CATSPERB: variants seen among roughly 807,000 people sequenced by gnomAD.
The protein encoded by CATSPERB is cation channel sperm-associated auxiliary subunit beta.
Under a neutral mutation model 128.3 loss-of-function variants are expected in CATSPERB, and 93 were observed. The ratio of observed to expected loss-of-function variants is 0.72; its 90% CI spans 0.61 to 0.86. CATSPERB has a LOEUF of 0.86. Among genes scored for constraint, CATSPERB ranks in the 40% least tolerant of loss-of-function variants. The pLI, the probability that CATSPERB is intolerant of heterozygous loss-of-function variation, is 0.00. For missense variants in CATSPERB, 1,153 were observed against 1,329.5 expected (o/e 0.87, Z 2.06); for synonymous variants, 381 against 448.8 (o/e 0.85, Z 1.91).
intron 22 of CATSPERB, among the ~76,000 whole-genome samples, chr14:91,602,516 T>A (rs1566699304): frequency 6.6e-6 from 1 of 151,932 alleles, no homozygotes; most frequent in Non-Finnish European, 1.5e-5. Flanking sequence ...TACAAAAAAA[T>A]CCACGAGAGT....
chr14:91,591,371 C>G (rs1429463462), intron 23 of CATSPERB, among the ~76,000 whole-genome samples: 1 of 152,026 alleles, frequency 6.6e-6, no homozygotes, highest in Non-Finnish European at 1.5e-5. Flanking sequence ...GCGTATTTGA[C>G]TCTTCTAATG....
rs760559214 is a variant in CATSPERB, at chr14:91,581,093, C to G, written c.3147G>C (p.Glu1049Asp). Residue 1049 changes from glutamate to aspartate, a missense_variant, in exon 27 of 27, where the codon GAG becomes GAC. Glu to Asp is a conservative substitution (Grantham distance 45, BLOSUM62 2). Transcript: ENST00000256343. ...TGTGTCCTGGGAATGGCAATGGTGCCTCATCAACATAAATCTGCAACAGAA... is the reference window on the plus strand; with the variant it reads ...TGTGTCCTGGGAATGGCAATGGTGCGTCATCAACATAAATCTGCAACAGAA... ...LIEEFQIYVD[E>D]APLPFPGHTL... 10 of 1,613,656 alleles carry G rather than the reference C, an allele frequency of 6.2e-6. No individual in the cohort carries two copies. Among genetic ancestry groups the G allele is most frequent in the African/African-American group, 2.7e-5 (2 of 74,930 alleles).
chr14:91,638,406 T>C (rs1053529704), intron 16 of CATSPERB, among the ~76,000 whole-genome samples: 2 of 151,868 alleles, frequency 1.3e-5, no homozygotes, highest in African/African-American at 2.4e-5. Flanking sequence ...GTTCCTTTTT[T>C]TTTTTTTTGA....
Position 91,673,017 on chromosome 14 carries a change from C to A in CATSPERB, c.979-1G>T. On this transcript the variant is annotated splice_acceptor_variant, in intron 12 of 26. Coordinates refer to ENST00000256343, the MANE Select transcript of CATSPERB (RefSeq NM_024764.4). LOFTEE classifies it high-confidence loss of function. ...CCTGACTATAAAAACAAGAGCTTGA[C>A]TATAAAAAAAAGAAGGGAAAAATTA... 6.4e-7 allele frequency: 1 copy of A among 1,568,308 alleles called. No individual in the cohort carries two copies. The highest frequency in any genetic ancestry group is 1.4e-5 in the African/African-American group (1 of 71,594).
At chr14:91,654,886 C>A (rs1894762117) in intron 15 of CATSPERB, among the ~76,000 whole-genome samples, 1 of 152,140 alleles carries the variant, frequency 6.6e-6, no homozygotes, top group South Asian at 2.1e-4. Context: ...CCTCCCCTAG[C>A]TCCAGGCAGC....
chr14:91,707,180 C>T (rs1167152885), intron 6 of CATSPERB, among the ~76,000 whole-genome samples: 4 of 152,188 alleles, frequency 2.6e-5, no homozygotes, highest in African/African-American at 9.6e-5. Context: ...ATTTACTATG[C>T]TTCAGCAACA....
chr14:91,592,912 G>A (rs1379530771), intron 22 of CATSPERB, among the ~76,000 whole-genome samples: 5 of 152,182 alleles, frequency 3.3e-5, no homozygotes, highest in African/African-American at 4.8e-5. Flanking sequence ...TTTGTTGGCC[G>A]GGCACAGGGT....
At chr14:91,588,624 C>T (rs1031437451) in intron 24 of CATSPERB, among the ~76,000 whole-genome samples, 8 of 152,090 alleles carry the variant, frequency 5.3e-5, no homozygotes, top group Non-Finnish European at 1.2e-4. Context: ...TATAAAGGTA[C>T]ACAGAATCTA....
At chr14:91,718,263 G>A (rs759223040) in intron 5 of CATSPERB, among the ~76,000 whole-genome samples, 7 of 152,154 alleles carry the variant, frequency 4.6e-5, no homozygotes, top group South Asian at 2.1e-4. Context: ...TTTGAAAAAC[G>A]TTGAATAAAG....
intron 14 of CATSPERB, among the ~76,000 whole-genome samples, chr14:91,667,924 T>G (rs958800605): frequency 7.9e-5 from 12 of 152,192 alleles, no homozygotes; most frequent in Non-Finnish European, 1.3e-4. Context: ...CTTGTCAAAT[T>G]TGTTTCCTCT....
intron 13 of CATSPERB, among the ~76,000 whole-genome samples, chr14:91,672,233 T>C (rs1025735549): frequency 3.9e-5 from 6 of 152,244 alleles, no homozygotes; most frequent in African/African-American, 1.4e-4. Flanking sequence ...CCTACAATCT[T>C]GACGATAGGG....
chr14:91,660,626 C>T (rs1595168646), intron 14 of CATSPERB, among the ~76,000 whole-genome samples: 1 of 152,102 alleles, frequency 6.6e-6, no homozygotes, highest in East Asian at 1.9e-4. Flanking sequence ...TAGCCTGAGA[C>T]TCATTCACAT....
At chr14:91,722,035 C>T (rs896040477) in intron 4 of CATSPERB, among the ~76,000 whole-genome samples, 3 of 151,600 alleles carry the variant, frequency 2.0e-5, no homozygotes, top group Non-Finnish European at 4.4e-5. Context: ...GACCCTGTCT[C>T]TAAACAAAAA....
chr14:91,587,275 C>A lies in CATSPERB; in HGVS notation c.3059G>T (p.Gly1020Val). ...CACTCTAAAGTGGAAAAGTTCAGAGCCCTGTGGAAAAAAGCACACCCAGTT... is the reference window on the plus strand; with the variant it reads ...CACTCTAAAGTGGAAAAGTTCAGAGACCTGTGGAAAAAAGCACACCCAGTT... ...NPSGLNLSIK[G>V]SELFHFRVTV... Residue 1020 changes from glycine (G) to valine (V), a missense_variant and splice_region_variant, in exon 26 of 27, where the codon GGC becomes GTC. By Grantham distance (109) the Gly-to-Val change is moderately radical (BLOSUM62 -3). Coordinates refer to ENST00000256343, the MANE Select transcript of CATSPERB (RefSeq NM_024764.4). 1 of 1,601,580 alleles carries A rather than the reference C, an allele frequency of 6.2e-7. No homozygotes were observed. Among genetic ancestry groups the A allele is most frequent in the African/African-American group, 1.4e-5 (1 of 73,962 alleles).
intron 15 of CATSPERB, among the ~76,000 whole-genome samples, chr14:91,641,318 A>G (rs1894495323): frequency 2.7e-5 from 4 of 147,612 alleles, no homozygotes; most frequent in East Asian, 2.0e-4. Flanking sequence ...GCCCATGCCT[A>G]TGTCCTGAAT....
chr14:91,713,538 A>G (rs2139771825), intron 5 of CATSPERB, among the ~76,000 whole-genome samples: 1 of 152,310 alleles, frequency 6.6e-6, no homozygotes, highest in Non-Finnish European at 1.5e-5. Flanking sequence ...GGAATATCAC[A>G]AACAACTCCG....
chr14:91,701,780 G>A (rs190564655), intron 7 of CATSPERB, among the ~76,000 whole-genome samples: 23 of 152,088 alleles, frequency 1.5e-4, no homozygotes, highest in East Asian at 5.8e-4. Flanking sequence ...GTGTGGTGGC[G>A]TGTACCTGTA....
intron 2 of CATSPERB, 124 bp from the exon 3 acceptor site, chr14:91,725,292 T>A: frequency 2.2e-6 from 1 of 447,390 alleles, no homozygotes; most frequent in Non-Finnish European, 3.8e-6. Context: ...CATTTTAAAT[T>A]CACTTTAGGT....
At chr14:91,693,587 C>G (rs1396461497) in intron 7 of CATSPERB, 108 bp from the exon 8 acceptor site, 3 of 713,182 alleles carry the variant, frequency 4.2e-6, no homozygotes, top group Non-Finnish European at 7.4e-6. Flanking sequence ...CACTATGACT[C>G]TCACTTCCCA....
Sources: gnomAD v4.1 joint callset for allele counts (sites outside exome capture counted in the v4.1 genomes callset) on GRCh38, gnomAD v4.1.1 for gene constraint, MANE v1.5 for transcripts, NCBI Gene and HGNC (gene_info 2026-07-23, HGNC 2026-07-21) for gene names.